Variants in COL1A1 observed in about 807,000 individuals in gnomAD.
COL1A1 encodes the protein collagen type I alpha 1 chain.
In COL1A1, 21 loss-of-function variants were observed where a neutral mutation model predicts 195.7. The ratio of observed to expected loss-of-function variants is 0.11; its 90% confidence interval spans 0.08 to 0.15. COL1A1 has a LOEUF of 0.15. COL1A1 is among the 10% of genes least tolerant of loss of function. The probability of loss-of-function intolerance (pLI) is 1.00; values close to 1 mark genes in which losing one functional copy is unlikely to be tolerated. For missense variants in COL1A1, 1,365 were observed against 2,051.0 expected (o/e 0.67, Z 6.46); for synonymous variants, 749 against 747.3 (o/e 1.00, Z -0.04).
chr17:50,201,592 G>C lies in COL1A1; in HGVS notation c.-79C>G, dbSNP rs1048748650. The stretch of plus-strand genomic sequence containing the variant: ...GCTCATGCGTGGCCTCACACTCCGC[G>C]TGCCTCCTGCTCCGACCCCGAGGAG... On this transcript the variant is annotated 5_prime_UTR_variant, in exon 1 of 51. Coordinates refer to ENST00000225964, the MANE Select transcript of COL1A1 (RefSeq NM_000088.4). 2.4e-5 allele frequency: 32 copies of C among 1,319,724 alleles called. No individual in the cohort carries two copies. Among genetic ancestry groups the C allele is most frequent in the Non-Finnish European group, 3.3e-5 (32 of 961,516 alleles). The allele number at this position is 1,319,724 out of a possible 1,614,324, so 81.8% of individuals were successfully genotyped here. A position where few individuals can be genotyped will look rare whatever the true frequency, so the allele number is the denominator to read the frequency against.
At chr17:50,198,552 A>G in intron 5 of COL1A1, 48 bp from the exon 6 acceptor site, 2 of 1,458,568 alleles carry the variant, frequency 1.4e-6, no homozygotes, top group Non-Finnish European at 1.9e-6. Context: ...ATTGAAAGGC[A>G]GAAGACGGCA....
chr17:50,191,760 G>A, intron 31 of COL1A1, 28 bp downstream of exon 31: 1 of 1,555,470 alleles, frequency 6.4e-7, no homozygotes, highest in Non-Finnish European at 8.7e-7. Context: ...TGGGCCACTT[G>A]CCAGAGCCCC....
intron 46 of COL1A1, 29 bp from the exon 47 acceptor site, chr17:50,187,151 G>T (rs117884012): frequency 6.5e-7 from 1 of 1,544,584 alleles, no homozygotes; most frequent in Non-Finnish European, 8.8e-7. Context: ...TTTGAGAAAG[G>T]CTGCCAGAAG....
At chr17:50,200,380 T>A (rs1038490257) in intron 1 of COL1A1, among the ~76,000 whole-genome samples, 1 of 151,776 alleles carries the variant, frequency 6.6e-6, no homozygotes, top group African/African-American at 2.4e-5. Context: ...CCAGCCCTCA[T>A]CCCGCCCCCA....
At chr17:50,201,328 T>G in intron 1 of COL1A1, 83 bp downstream of exon 1, 1 of 1,238,528 alleles carries the variant, frequency 8.1e-7, no homozygotes, top group African/African-American at 1.5e-5. Flanking sequence ...ATCATCCACG[T>G]CTCGTTTTAA....
In COL1A1 at chr17:50,190,628, G is replaced by A; in HGVS notation, c.2344-32C>T. On this transcript the variant is annotated intron_variant, in intron 33 of 50. Coordinates refer to ENST00000225964, the MANE Select transcript of COL1A1 (RefSeq NM_000088.4). This position sits in a 1 kb window ranked among gnomAD's most constrained non-coding sequence, Gnocchi z 4.7. The stretch of plus-strand genomic sequence containing the variant: ...GCAAGGGACAAGAGGCTCAGGGTCA[G>A]GGCCTCCCCTGAATACTCCTAGTAG... The A allele has an allele frequency of 6.2e-7, 1 of 1,610,854 alleles. No homozygotes were observed. Among genetic ancestry groups the A allele is most frequent in the Non-Finnish European group, 8.5e-7 (1 of 1,177,892 alleles).
In COL1A1 at chr17:50,188,923, G is replaced by A. The variant is rs794727663; in HGVS notation, c.3025C>T (p.Pro1009Ser). 3.1e-6 allele frequency: 5 copies of A among 1,610,764 alleles called. No individual in the cohort carries two copies. The African/African-American group carries it at 5.3e-5, about 17-fold the overall frequency. ...CTCACCTCACGTCCAGATTCACCAG[G>A]GGGTCCAGCCAATCCAGGGGGGCCC... Reference protein sequence around the residue: ...PMGPPGLAGPPGESGREGAPG... With the variant: ...PMGPPGLAGPSGESGREGAPG... Residue 1009 changes from proline to serine, a missense_variant, in exon 41 of 51, where the codon CCT becomes TCT. Around this residue, in one of 5 missense-constraint regions of COL1A1, gnomAD observed 671 missense variants for 1,099.9 expected, o/e 0.61. Coordinates refer to ENST00000225964, the MANE Select transcript of COL1A1 (RefSeq NM_000088.4). This position sits in a 1 kb window ranked among gnomAD's most constrained non-coding sequence, Gnocchi z 5.6.
In COL1A1 at chr17:50,189,343, C is replaced by T. The variant is rs766545384; in HGVS notation, c.2829+34G>A. 1 of 1,613,730 alleles carries T rather than the reference C, an allele frequency of 6.2e-7. No homozygotes were observed. The highest frequency in any genetic ancestry group is 8.5e-7 in the Non-Finnish European group (1 of 1,179,952). ...GGGACCCCTCCCCAGCTCTGCACAC[C>T]TCCGGAGCTGCAGAGATCTGAGCTG... On this transcript the variant is annotated intron_variant, in intron 39 of 50. Transcript: ENST00000225964. This position sits in a 1 kb window ranked among gnomAD's most constrained non-coding sequence, Gnocchi z 5.5.
In COL1A1 at chr17:50,186,252, A is replaced by G. The variant is rs1466135696; in HGVS notation, c.4005+65T>C. The G allele has an allele frequency of 1.2e-6, 2 of 1,601,672 alleles. No individual in the cohort carries two copies. The highest frequency in any genetic ancestry group is 1.3e-5 in the African/African-American group (1 of 74,732). ...TAGCAGAGACCTACTCCAGGACTTC[A>G]TGTCCCTTCTGAGCACTGGGCTAGC... is the stretch of plus-strand genomic sequence containing the variant. On this transcript the variant is annotated intron_variant, in intron 49 of 50. Coordinates refer to ENST00000225964, the MANE Select transcript of COL1A1 (RefSeq NM_000088.4). This position sits in a 1 kb window ranked among gnomAD's most constrained non-coding sequence, Gnocchi z 5.3.
chr17:50,198,699 C>A, intron 5 of COL1A1, 195 bp from the exon 6 acceptor site: 1 of 619,278 alleles, frequency 1.6e-6, no homozygotes, highest in Non-Finnish European at 2.9e-6. Flanking sequence ...GAGGGACAGT[C>A]TGCAAAACAA....
rs1013292596 is a variant in COL1A1 at position 50,185,634 on chromosome 17, G to A, written c.4263C>T (p.Ala1421=). ...TVDGCTSHTG[A]WGKTVIEYKT... ...TGTATTCAATCACTGTCTTGCCCCA[G>A]GCTCCGGTGTGACTCTGGGGTGGGG... The change falls in exon 51 of 51, where the codon GCC becomes GCT. Residue 1421 remains alanine (A), a synonymous_variant. Coordinates refer to ENST00000225964, the MANE Select transcript of COL1A1 (RefSeq NM_000088.4). The A allele has an allele frequency of 2.5e-6, 4 of 1,613,806 alleles. No individual in the cohort carries two copies. The African/African-American group carries it at 4.0e-5, about 16-fold the overall frequency.
intron 1 of COL1A1, among the ~76,000 whole-genome samples, chr17:50,200,920 C>T (rs1908029607): frequency 6.6e-6 from 1 of 152,250 alleles, no homozygotes; most frequent in Admixed American, 6.5e-5. Flanking sequence ...GAGTCCGCGC[C>T]AAAGTTTCTC....
chr17:50,191,819 G>T lies in COL1A1; in HGVS notation c.2096C>A (p.Ala699Asp). The T allele has an allele frequency of 6.3e-7, 1 of 1,598,744 alleles. No individual in the cohort carries two copies. Among genetic ancestry groups the T allele is most frequent in the Non-Finnish European group, 8.5e-7 (1 of 1,172,062 alleles). ...GPPGPAGPRG[A>D]NGAPGNDGAK... is the part of the protein sequence containing the mutation. Reference sequence around the variant, plus strand: ...ACCATCGTTGCCGGGAGCACCGTTGGCCCCTCGGGGACCAGCAGGACCAGG... The same window carrying T: ...ACCATCGTTGCCGGGAGCACCGTTGTCCCCTCGGGGACCAGCAGGACCAGG... The change falls in exon 31 of 51, where the codon GCC (alanine) becomes GAC (aspartate). Residue 699 changes from alanine to aspartate, a missense_variant. By Grantham distance (126) the Ala-to-Asp change is moderately radical. This residue lies in a region of COL1A1 where 671 missense variants were observed against 1,099.9 expected (regional missense o/e 0.61). Transcript: ENST00000225964.
intron 29 of COL1A1, 27 bp from the exon 30 acceptor site, chr17:50,192,051 C>G (rs1365330015): frequency 4.3e-6 from 7 of 1,609,436 alleles, no homozygotes; most frequent in Non-Finnish European, 5.9e-6. Context: ...GAGGAACAGA[C>G]AGTGAGCAAA....
chr17:50,198,543 T>C, intron 5 of COL1A1, 39 bp from the exon 6 acceptor site: 1 of 1,544,758 alleles, frequency 6.5e-7, no homozygotes, highest in South Asian at 1.2e-5. Flanking sequence ...GGACAGTGAA[T>C]TGAAAGGCAG....
Position 50,196,527 on chromosome 17 carries a change from C to G in COL1A1, c.860G>C (p.Gly287Ala). The G allele has an allele frequency of 6.2e-7, 1 of 1,614,222 alleles. No homozygotes were observed. Among genetic ancestry groups the G allele is most frequent in the Non-Finnish European group, 8.5e-7 (1 of 1,180,040 alleles). The change falls in exon 13 of 51, where the codon GGT becomes GCT. Residue 287 changes from glycine to alanine, a missense_variant and splice_region_variant. Gly to Ala is a moderately conservative substitution (Grantham distance 60). Transcript: ENST00000225964. ...KGDAGPAGPK[G>A]EPGSPGENGA... ...ATTTTCACCAGGGCTGCCAGGCTCA[C>G]CCTGTAGATCAGAGAATAATGAGTG...
intron 1 of COL1A1, 61 bp downstream of exon 1, chr17:50,201,350 C>T (rs1908078265): frequency 2.0e-6 from 3 of 1,516,878 alleles, no homozygotes; most frequent in Non-Finnish European, 2.7e-6. Flanking sequence ...CCGCGGCCCC[C>T]GGGACCAAGC....
At chr17:50,187,566 G>A (rs1163129185) in intron 45 of COL1A1, 29 bp from the exon 46 acceptor site, 1 of 1,613,186 alleles carries the variant, frequency 6.2e-7, no homozygotes, top group South Asian at 1.1e-5. Flanking sequence ...AGGCAGTTCA[G>A]GCCCAGTGAG....
chr17:50,188,101 G>T lies in COL1A1; in HGVS notation c.3256C>A (p.Pro1086Thr). The change falls in exon 44 of 51, where the codon CCC (proline) becomes ACC (threonine). Residue 1086 changes from proline to threonine, a missense_variant. By Grantham distance (38) the Pro-to-Thr change is conservative. Transcript: ENST00000225964. This position sits in a 1 kb window ranked among gnomAD's most constrained non-coding sequence, Gnocchi z 5.6. ...GPVGPVGARG[P>T]AGPQGPRGDK... ...GGACACAGCAGGGTACTTACGGCGG[G>T]GCCACGGGCGCCAACAGGGCCGACA... The T allele has an allele frequency of 6.3e-7, 1 of 1,594,442 alleles. No individual in the cohort carries two copies. The highest frequency in any genetic ancestry group is 1.3e-5 in the African/African-American group (1 of 74,544).
Sources: allele counts gnomAD v4.1 joint callset (sites outside exome capture counted in the v4.1 genomes callset), GRCh38; gene constraint gnomAD v4.1.1; regional missense constraint gnomAD v4.1.1; non-coding constraint Gnocchi (gnomAD v3.1); transcripts MANE v1.5; gene names NCBI Gene and HGNC (gene_info 2026-07-23, HGNC 2026-07-21).